Variants in NRG4 observed in about 807,000 individuals in gnomAD.
NRG4 encodes the protein neuregulin 4.
Under a neutral mutation model 15.0 loss-of-function variants are expected in NRG4, and 10 were observed. The observed-to-expected ratio is 0.67, with a 90% CI of 0.41 to 1.13. NRG4 has a LOEUF of 1.13. Among genes scored for constraint, NRG4 ranks in the 50% most tolerant of loss-of-function variants. The pLI is 0.00. For synonymous variants in NRG4, 41 were observed against 50.1 expected, an observed-to-expected ratio of 0.82 and a Z score of 0.77; for missense variants, 139 against 140.2, an observed-to-expected ratio of 0.99 and a Z score of 0.04.
intron 4 of NRG4, among the ~76,000 whole-genome samples, chr15:76,037,679 G>A (rs761799134): frequency 5.9e-5 from 9 of 152,162 alleles, no homozygotes; most frequent in African/African-American, 1.2e-4. Flanking sequence ...TGGACTTACC[G>A]GTCATGAGAC....
At chr15:76,009,969 C>G (rs1298727311) in intron 2 of NRG4, among the ~76,000 whole-genome samples, 2 of 152,104 alleles carry the variant, frequency 1.3e-5, no homozygotes, top group Non-Finnish European at 2.9e-5. Context: ...CTCTACTTCT[C>G]TCTGACTTCT....
At chr15:76,059,805 CGCGCGCGGCCGGCGGGAGGCGAGG>C (rs1388527374), upstream of NRG4, 26 of 147,118 alleles carry the variant, frequency 1.8e-4, no homozygotes, top group African/African-American at 6.4e-4. Context: ...CGGGGGCGCG[CGCGCGCGGCCGGCGGGAGGCGAGG>C]GCGCAGGCGC....
intron 3 of NRG4, among the ~76,000 whole-genome samples, chr15:76,008,173 T>C (rs1266199807): frequency 6.6e-6 from 1 of 152,206 alleles, no homozygotes; most frequent in South Asian, 2.1e-4. Context: ...AAGAAGAGTA[T>C]ACTGCTGAGG....
At chr15:76,052,875 C>A (rs559296981) in intron 3 of NRG4, 2 of 150,762 alleles carry the variant, frequency 1.3e-5, no homozygotes, top group East Asian at 1.9e-4. Context: ...ATACAAATAA[C>A]GAACATAAAA....
At chr15:76,017,701 T>G (rs1367963392) in intron 5 of NRG4, among the ~76,000 whole-genome samples, 1 of 152,238 alleles carries the variant, frequency 6.6e-6, no homozygotes, top group Non-Finnish European at 1.5e-5. Flanking sequence ...AGAGATCTGC[T>G]GCTAATCTGA....
At chr15:75,936,643 C>T (rs942559186), downstream of NRG4, 5 of 151,960 alleles carry the variant, frequency 3.3e-5, no homozygotes, top group African/African-American at 7.3e-5. Flanking sequence ...GGCACAATCT[C>T]GACTCATTGC....
chr15:75,992,731 T>C (rs2034064699), intron 3 of NRG4, among the ~76,000 whole-genome samples: 1 of 152,192 alleles, frequency 6.6e-6, no homozygotes, highest in African/African-American at 2.4e-5. Flanking sequence ...TAAATATGTG[T>C]AATACATTTA....
chr15:76,039,608 T>C (rs2035681141), intron 4 of NRG4, among the ~76,000 whole-genome samples: 2 of 152,066 alleles, frequency 1.3e-5, no homozygotes, highest in Admixed American at 1.3e-4. Context: ...ACACCTACAT[T>C]ATCTAGAAAA....
chr15:76,020,451 G>C (rs1456247079), intron 5 of NRG4, among the ~76,000 whole-genome samples: 1 of 152,172 alleles, frequency 6.6e-6, no homozygotes, highest in Non-Finnish European at 1.5e-5. Context: ...CTTTTATGGA[G>C]AAAGTTTTAG....
At chr15:76,039,540 T>C (rs1439541599) in intron 4 of NRG4, among the ~76,000 whole-genome samples, 1 of 152,142 alleles carries the variant, frequency 6.6e-6, no homozygotes, top group Non-Finnish European at 1.5e-5. Context: ...ATTTGTGAGC[T>C]TGAAGACAGG....
downstream of NRG4, chr15:75,937,210 CATT>C (rs1166663801): frequency 4.1e-5 from 6 of 146,726 alleles, no homozygotes; most frequent in South Asian, 6.7e-4. Context: ...CCTATCAAAA[CATT>C]AAAAAAAAAA....
At chr15:75,969,679 T>C (rs1393964852) in intron 3 of NRG4, among the ~76,000 whole-genome samples, 1 of 152,228 alleles carries the variant, frequency 6.6e-6, no homozygotes, top group Non-Finnish European at 1.5e-5. Context: ...TGGCAAAATG[T>C]GAGGGTTAAA....
At position 75,977,733 on chromosome 15, in the gene NRG4, G is replaced by A. The variant is rs1163817236; in HGVS notation, c.105-15759C>T. Among the ~76,000 whole-genome samples, 8 of 152,204 alleles carry A rather than the reference G, an allele frequency of 5.3e-5. No homozygotes were observed. The highest frequency in any genetic ancestry group is 1.0e-4 in the Non-Finnish European group (7 of 68,026). On this transcript the variant is annotated intron_variant, in intron 3 of 5. Transcript: ENST00000394907. This position sits in a 1 kb window ranked among gnomAD's most constrained non-coding sequence, Gnocchi z 4.9. ...GCCTTCTGCATTGGTCTCGCTGGGA[G>A]CTGCAGACCAGAGCTGTTCCTATTT...
At chr15:76,008,999 A>G (rs938347384) in intron 3 of NRG4, among the ~76,000 whole-genome samples, 4 of 152,116 alleles carry the variant, frequency 2.6e-5, no homozygotes, top group African/African-American at 9.7e-5. Flanking sequence ...TTCAGAATAA[A>G]CACCTTGATT....
At position 75,940,970 on chromosome 15, in the gene NRG4, CAAAG is replaced by C. The variant is rs1433261782; in HGVS notation, c.*2664_*2667del. 1.3e-5 allele frequency: 2 copies of C among 152,010 alleles called. No individual in the cohort carries two copies. The highest frequency in any genetic ancestry group is 6.6e-5 in the Admixed American group (1 of 15,252). The allele number at this position is 152,010 out of a possible 1,614,324, so 9.4% of individuals were successfully genotyped here. On this transcript the variant is annotated 3_prime_UTR_variant, in exon 6 of 6. Transcript: ENST00000394907. Reference sequence around the variant, plus strand: ...TATACTTCATTAAAATTTTGTGCATCAAAGAACACTATCAACAGAGTAAAAAGAT... The same window carrying C: ...TATACTTCATTAAAATTTTGTGCATCAACACTATCAACAGAGTAAAAAGAT...
At chr15:75,981,714 C>G (rs987516190) in intron 3 of NRG4, among the ~76,000 whole-genome samples, 1 of 152,022 alleles carries the variant, frequency 6.6e-6, no homozygotes, top group African/African-American at 2.4e-5. Context: ...GTCAAATGGT[C>G]GTTTTTGAAG....
intron 3 of NRG4, among the ~76,000 whole-genome samples, chr15:75,973,519 T>C (rs996005629): frequency 6.6e-6 from 1 of 152,184 alleles, no homozygotes; most frequent in Non-Finnish European, 1.5e-5. Context: ...TAAATAGCTC[T>C]TACTATTTTG....
At chr15:75,976,852 A>G (rs2141843346) in intron 3 of NRG4, among the ~76,000 whole-genome samples, 2 of 152,304 alleles carry the variant, frequency 1.3e-5, no homozygotes, top group Middle Eastern at 6.8e-3. Context: ...GCAGAGCTTG[A>G]GTGCTGTGCT....
intron 4 of NRG4, among the ~76,000 whole-genome samples, chr15:76,040,056 AAG>A (rs113613101): frequency 2.6e-5 from 4 of 151,692 alleles, no homozygotes; most frequent in Admixed American, 6.6e-5. Flanking sequence ...AATAAAAAAA[AAG>A]AGAGAGAGAG....
Sources: gnomAD v4.1 joint callset for allele counts (sites outside exome capture counted in the v4.1 genomes callset) on GRCh38, gnomAD v4.1.1 for gene constraint, Gnocchi (gnomAD v3.1) non-coding constraint, MANE v1.5 for transcripts, NCBI Gene and HGNC (gene_info 2026-07-23, HGNC 2026-07-21) for gene names.